Variants in KCNJ3 observed in about 807,000 individuals in gnomAD.
The protein encoded by KCNJ3 is G protein-activated inward rectifier potassium channel 1.
KCNJ3 carries 4 observed loss-of-function variants against 39.2 expected under a neutral mutation model. The observed-to-expected ratio is 0.10, with a 90% confidence interval of 0.05 to 0.23. The LOEUF (loss-of-function observed/expected upper bound fraction) is 0.23, where lower values mean the gene tolerates loss of function less well. Ranked by LOEUF, KCNJ3 falls within the 10% of genes least tolerant of loss-of-function variation. The probability of loss-of-function intolerance (pLI) is 1.00; values close to 1 mark genes in which losing one functional copy is unlikely to be tolerated. For synonymous variants in KCNJ3, 230 were observed against 237.4 expected (o/e 0.97, Z 0.29); for missense variants, 276 against 634.9 (o/e 0.43, Z 6.08).
At chr2:154,828,492 G>C (rs1687307232) in intron 2 of KCNJ3, among the ~76,000 whole-genome samples, 1 of 152,168 alleles carries the variant, frequency 6.6e-6, no homozygotes, top group African/African-American at 2.4e-5. Flanking sequence ...TGGAATTTTT[G>C]GGTGGTGCTT....
At chr2:154,852,150 G>A (rs1162821183) in intron 2 of KCNJ3, among the ~76,000 whole-genome samples, 1 of 152,116 alleles carries the variant, frequency 6.6e-6, no homozygotes, top group African/African-American at 2.4e-5. Flanking sequence ...TATTGAGTAC[G>A]TAACATTACT....
intron 2 of KCNJ3, among the ~76,000 whole-genome samples, chr2:154,849,501 C>A (rs1007347517): frequency 1.3e-5 from 2 of 152,132 alleles, no homozygotes; most frequent in African/African-American, 4.8e-5. Flanking sequence ...TTCTCTCCCC[C>A]AATCTCCCGC....
At chr2:154,780,179 G>GA (rs796066719) in intron 2 of KCNJ3, among the ~76,000 whole-genome samples, 9 of 152,028 alleles carry the variant, frequency 5.9e-5, no homozygotes, top group Admixed American at 2.6e-4. Flanking sequence ...TTGTGGTAAA[G>GA]AAAAAAAGGC....
At chr2:154,846,699 G>C (rs1435979781) in intron 2 of KCNJ3, among the ~76,000 whole-genome samples, 1 of 152,064 alleles carries the variant, frequency 6.6e-6, no homozygotes, top group Admixed American at 6.6e-5. Context: ...TTTTCTACCT[G>C]ACCATGAGCC....
At chr2:154,844,550 A>C (rs1687634195) in intron 2 of KCNJ3, among the ~76,000 whole-genome samples, 1 of 152,320 alleles carries the variant, frequency 6.6e-6, no homozygotes, top group East Asian at 1.9e-4. Context: ...TGTCCTGCCC[A>C]CAGAGGTGGA....
rs10632638 is a variant in KCNJ3 at position 154,735,069 on chromosome 2, C to CTGTGTGTGTGTGTGTGTGTGTG, written c.919+25262_919+25283dup. ...TAGACTTTCCACTCCCCTTGTAGGC[C>CTGTGTGTGTGTGTGTGTGTGTG]TGTGTGTGTGTGTGTGTGTGTGTGT... On this transcript the variant is annotated intron_variant, in intron 2 of 2. Coordinates refer to ENST00000295101, the MANE Select transcript of KCNJ3 (RefSeq NM_002239.4). 8.3e-3 allele frequency among the ~76,000 whole-genome samples: 1,211 copies of CTGTGTGTGTGTGTGTGTGTGTG among 145,838 alleles called. 19 individuals carry two copies. Among genetic ancestry groups the CTGTGTGTGTGTGTGTGTGTGTG allele is most frequent in the East Asian group, 0.044 (212 of 4,788 alleles).
chr2:154,756,444 T>C (rs1197181229), intron 2 of KCNJ3, among the ~76,000 whole-genome samples: 1 of 152,132 alleles, frequency 6.6e-6, no homozygotes, highest in Non-Finnish European at 1.5e-5. Flanking sequence ...ACTGGTGCTA[T>C]GAGTAATATT....
intron 2 of KCNJ3, among the ~76,000 whole-genome samples, chr2:154,722,393 T>C (rs1387310394): frequency 2.6e-5 from 4 of 152,054 alleles, no homozygotes; most frequent in Admixed American, 2.6e-4. Flanking sequence ...AGTTTAAGCT[T>C]GGGAAGAATG....
chr2:154,807,760 A>G (rs138397003), intron 2 of KCNJ3, among the ~76,000 whole-genome samples: 1 of 152,148 alleles, frequency 6.6e-6, no homozygotes, highest in East Asian at 1.9e-4. Flanking sequence ...AGAGTGGCAG[A>G]TCTAAGAGTT....
intron 2 of KCNJ3, among the ~76,000 whole-genome samples, chr2:154,773,508 G>T (rs563243592): frequency 1.3e-5 from 2 of 152,004 alleles, no homozygotes; most frequent in African/African-American, 2.4e-5. Context: ...CTTTGTTCTC[G>T]GAATAATTTC....
At position 154,790,168 on chromosome 2, in the gene KCNJ3, T is replaced by C. The variant is rs1028854350; in HGVS notation, c.920-64559T>C. 4.1e-5 allele frequency among the ~76,000 whole-genome samples: 6 copies of C among 147,916 alleles called. No individual in the cohort carries two copies. The South Asian group carries it at 1.3e-3, about 32-fold the overall frequency. The stretch of plus-strand genomic sequence containing the variant: ...CAGAAAATGTCCAAAAATAGCACAG[T>C]GTTCAAGACAGATTGACCAGATTAT... On this transcript the variant is annotated intron_variant, in intron 2 of 2. Coordinates refer to ENST00000295101, the MANE Select transcript of KCNJ3 (RefSeq NM_002239.4).
At chr2:154,784,555 A>G (rs921466176) in intron 2 of KCNJ3, among the ~76,000 whole-genome samples, 11 of 152,000 alleles carry the variant, frequency 7.2e-5, no homozygotes, top group Non-Finnish European at 1.3e-4. Context: ...GCTAATTTTT[A>G]TATTTTTAGT....
At chr2:154,765,569 A>G (rs1686119940) in intron 2 of KCNJ3, among the ~76,000 whole-genome samples, 1 of 152,182 alleles carries the variant, frequency 6.6e-6, no homozygotes. Flanking sequence ...GGTTCTGTTT[A>G]TTCCTACTAC....
chr2:154,700,587 A>G (rs1357474912), intron 1 of KCNJ3, among the ~76,000 whole-genome samples: 1 of 152,234 alleles, frequency 6.6e-6, no homozygotes, highest in Non-Finnish European at 1.5e-5. Context: ...CCAGAGTCTG[A>G]ATTTAGTATT....
intron 2 of KCNJ3, among the ~76,000 whole-genome samples, chr2:154,834,332 A>C (rs543666471): frequency 6.6e-6 from 1 of 152,198 alleles, no homozygotes; most frequent in African/African-American, 2.4e-5. Context: ...CCATCTGTAT[A>C]TCTTCTTTGA....
In KCNJ3 at chr2:154,705,650, T is replaced by C. The variant is rs188360420; in HGVS notation, c.703-3953T>C. On this transcript the variant is annotated intron_variant, in intron 1 of 2. Coordinates refer to ENST00000295101, the MANE Select transcript of KCNJ3 (RefSeq NM_002239.4). ...TTACATATAAGGAAAATGTGAATAATTGAAATATTATTAAATGACATCTGT... is the reference window on the plus strand; with the variant it reads ...TTACATATAAGGAAAATGTGAATAACTGAAATATTATTAAATGACATCTGT... 1.2e-3 allele frequency among the ~76,000 whole-genome samples: 183 copies of C among 152,312 alleles called. 5 individuals are homozygous for C. The South Asian group carries it at 0.037, about 31-fold the overall frequency.
intron 2 of KCNJ3, among the ~76,000 whole-genome samples, chr2:154,746,291 TG>T (rs1274688232): frequency 6.6e-6 from 1 of 151,898 alleles, no homozygotes; most frequent in East Asian, 1.9e-4. Flanking sequence ...GGTTAAGTTT[TG>T]GAAAGTCAAA....
chr2:154,721,070 C>T (rs1020928986), intron 2 of KCNJ3, among the ~76,000 whole-genome samples: 1 of 149,784 alleles, frequency 6.7e-6, no homozygotes, highest in Non-Finnish European at 1.5e-5. Context: ...AAAAATCCTT[C>T]ATTACCCTCC....
chr2:154,805,870 T>C (rs752950069), intron 2 of KCNJ3, among the ~76,000 whole-genome samples: 2 of 152,134 alleles, frequency 1.3e-5, no homozygotes, highest in Non-Finnish European at 2.9e-5. Context: ...AAGACAGATA[T>C]GGAAATTTTA....
Sources: allele counts gnomAD v4.1 joint callset (sites outside exome capture counted in the v4.1 genomes callset), GRCh38; gene constraint gnomAD v4.1.1; transcripts MANE v1.5; gene names NCBI Gene and HGNC (gene_info 2026-07-23, HGNC 2026-07-21).